The following SMPD3 variants were observed in gnomAD, a reference collection of about 807,000 sequenced individuals.
SMPD3 encodes the protein nSMase-2.
In SMPD3, 21 loss-of-function variants were observed where a neutral mutation model predicts 55.7. The observed-to-expected ratio is 0.38, with a 90% CI of 0.27 to 0.54. The LOEUF (loss-of-function observed/expected upper bound fraction) is 0.54. Among genes scored for constraint, SMPD3 ranks in the 20% least tolerant of loss-of-function variants. SMPD3 has a pLI of 0.80. For missense variants in SMPD3, 842 were observed against 899.6 expected (o/e 0.94, Z 0.82); for synonymous variants, 457 against 404.3 (o/e 1.13, Z -1.56).
rs1196228792 is a variant in SMPD3, at chr16:68,370,906, T to C, written c.1276A>G (p.Lys426Glu). Residue 426 changes from lysine (K) to glutamate (E), a missense_variant, in exon 3 of 9, where the codon AAG becomes GAG. Lys to Glu is a moderately conservative substitution (Grantham distance 56). Transcript: ENST00000219334. ...GAGGCCAGGGCATCGTCGTTACACT[T>C]GTTGGGGTAACAGTGATAGGCCACG... is the stretch of plus-strand genomic sequence containing the variant. ...MDVAYHCYPN[K>E]CNDDALASKG... The C allele has an allele frequency of 9.9e-6, 16 of 1,614,106 alleles. No individual in the cohort carries two copies. Among genetic ancestry groups the C allele is most frequent in the Non-Finnish European group, 1.3e-5 (15 of 1,179,986 alleles).
At chr16:68,437,050 GA>G (rs1251760905) in intron 1 of SMPD3, among the ~76,000 whole-genome samples, 2 of 152,238 alleles carry the variant, frequency 1.3e-5, no homozygotes, top group African/African-American at 4.8e-5. Context: ...GGAATGTCAT[GA>G]AGTGGCCATG....
intron 3 of SMPD3, chr16:68,368,945 T>G (rs2089571274): frequency 1.3e-5 from 2 of 152,198 alleles, no homozygotes; most frequent in Admixed American, 1.3e-4. Context: ...AGGCTGGGTA[T>G]GGTGGCTCAC....
rs776972520 is a variant in SMPD3, at chr16:68,372,053, G to C, written c.129C>G (p.Tyr43Ter). 6.2e-7 allele frequency: 1 copy of C among 1,608,668 alleles called. No individual in the cohort carries two copies. The stretch of plus-strand genomic sequence containing the variant: ...GGTCGTCTGCCCGCTGGCGCTTCTC[G>C]TAGGTGGTGGGTATGAAGGAGGCAG... ...RLAASFIPTT[Y>*]EKRQRADDPC... Residue 43 changes from tyrosine (Y) to a stop codon, truncating the protein, a stop_gained, in exon 3 of 9, where the codon TAC becomes TAG. Transcript: ENST00000219334. LOFTEE classifies it high-confidence loss of function.
chr16:68,390,297 C>G (rs1476217319), intron 1 of SMPD3, among the ~76,000 whole-genome samples: 1 of 152,214 alleles, frequency 6.6e-6, no homozygotes, highest in Non-Finnish European at 1.5e-5. Flanking sequence ...TTTACTGCAT[C>G]CTATTTTCAT....
At chr16:68,415,651 T>C (rs796323894) in intron 1 of SMPD3, among the ~76,000 whole-genome samples, 5 of 152,340 alleles carry the variant, frequency 3.3e-5, no homozygotes, top group African/African-American at 1.2e-4. Flanking sequence ...TTTAAAAATA[T>C]AGCAAAAATA....
At chr16:68,367,625 C>T (rs1264074069) in intron 3 of SMPD3, 3 of 152,278 alleles carry the variant, frequency 2.0e-5, no homozygotes, top group African/African-American at 7.2e-5. Context: ...GGGCCCTGCA[C>T]GACAAGAACC....
At chr16:68,426,565 G>C (rs2090437792) in intron 1 of SMPD3, among the ~76,000 whole-genome samples, 1 of 152,174 alleles carries the variant, frequency 6.6e-6, no homozygotes, top group Non-Finnish European at 1.5e-5. Flanking sequence ...ATCTGAAGGA[G>C]AGACATGCTT....
chr16:68,445,176 T>C (rs1264488215), intron 1 of SMPD3, among the ~76,000 whole-genome samples: 2 of 152,360 alleles, frequency 1.3e-5, no homozygotes, highest in South Asian at 2.1e-4. Flanking sequence ...CTGGGCTACA[T>C]TGTTTTTGAG....
chr16:68,381,582 CG>C (rs1474501330), intron 2 of SMPD3, among the ~76,000 whole-genome samples: 1 of 152,106 alleles, frequency 6.6e-6, no homozygotes, highest in East Asian at 1.9e-4. Context: ...AAAGTGATCT[CG>C]GGTATTGCTG....
intron 1 of SMPD3, among the ~76,000 whole-genome samples, chr16:68,413,094 G>A (rs1433248538): frequency 2.6e-5 from 4 of 152,234 alleles, no homozygotes; most frequent in Non-Finnish European, 5.9e-5. Context: ...TTGGCCTGGG[G>A]CCTATGTGGA....
At chr16:68,370,723 A>C in intron 3 of SMPD3, 136 bp downstream of exon 3, 350 of 1,163,948 alleles carry the variant, frequency 3.0e-4, no homozygotes, top group Non-Finnish European at 3.9e-4. Context: ...GCTCCAGGAA[A>C]GACCGCGTCT....
At chr16:68,392,084 G>T (rs1435317315) in intron 1 of SMPD3, among the ~76,000 whole-genome samples, 1 of 152,098 alleles carries the variant, frequency 6.6e-6, no homozygotes, top group African/African-American at 2.4e-5. Context: ...TAGAGACAGG[G>T]TTTCACCACG....
intron 1 of SMPD3, among the ~76,000 whole-genome samples, chr16:68,432,484 C>T (rs1012652863): frequency 6.6e-6 from 1 of 152,270 alleles, no homozygotes; most frequent in South Asian, 2.1e-4. Context: ...TTATTTTTGT[C>T]CTTTTCAAAA....
At chr16:68,365,945 G>A (rs1161094714) in intron 3 of SMPD3, among the ~76,000 whole-genome samples, 1 of 152,206 alleles carries the variant, frequency 6.6e-6, no homozygotes, top group African/African-American at 2.4e-5. Context: ...CAGGAGAGGT[G>A]AGGGATGGCC....
rs746906802 is a variant in SMPD3 at position 68,371,723 on chromosome 16, C to T, written c.459G>A (p.Glu153=). The change falls in exon 3 of 9, where the codon GAG becomes GAA. Residue 153 remains glutamate, a synonymous_variant. Coordinates refer to ENST00000219334, the MANE Select transcript of SMPD3 (RefSeq NM_018667.4). ...CCCCATTGCGGATTCTCTGCCCGAT[C>T]TCCTTGGCCCGCGCTTGGGTGTTAA... ...NLFNTQARAK[E]IGQRIRNGAA... 6.9e-6 allele frequency: 11 copies of T among 1,593,984 alleles called. No individual in the cohort carries two copies. The African/African-American group carries it at 1.2e-4, about 18-fold the overall frequency.
chr16:68,395,297 T>C (rs995788800), intron 1 of SMPD3, among the ~76,000 whole-genome samples: 11 of 152,230 alleles, frequency 7.2e-5, no homozygotes, highest in Admixed American at 5.9e-4. Context: ...AGGAAGGCTT[T>C]TCAGGGGCTC....
intron 1 of SMPD3, among the ~76,000 whole-genome samples, chr16:68,390,400 G>A (rs752578126): frequency 2.3e-4 from 35 of 152,182 alleles, no homozygotes; most frequent in Non-Finnish European, 3.7e-4. Flanking sequence ...GGTGGCTGAC[G>A]CCTGTAATCC....
intron 1 of SMPD3, among the ~76,000 whole-genome samples, chr16:68,439,010 G>A (rs967028302): frequency 1.3e-5 from 2 of 152,176 alleles, no homozygotes; most frequent in Admixed American, 6.5e-5. Context: ...TTACACATAT[G>A]TATTGCTGAG....
chr16:68,397,900 C>T (rs1360066467), intron 1 of SMPD3, among the ~76,000 whole-genome samples: 3 of 152,246 alleles, frequency 2.0e-5, no homozygotes, highest in African/African-American at 7.2e-5. Flanking sequence ...GGGTCTGGGA[C>T]CTGGGTCACA....
Sources: gnomAD v4.1 joint callset for allele counts (sites outside exome capture counted in the v4.1 genomes callset) on GRCh38, gnomAD v4.1.1 for gene constraint, MANE v1.5 for transcripts, NCBI Gene and HGNC (gene_info 2026-07-23, HGNC 2026-07-21) for gene names.